Variants in BMP1 observed in about 807,000 individuals in gnomAD.
The protein encoded by BMP1 is bone morphogenetic protein 1, also known as mammalian tolloid protein.
In BMP1, 63 loss-of-function variants were observed where a neutral mutation model predicts 116.8. The observed-to-expected ratio is 0.54, with a 90% CI of 0.44 to 0.67. The LOEUF (loss-of-function observed/expected upper bound fraction) is 0.67, where lower values mean the gene tolerates loss of function less well. Ranked by LOEUF, BMP1 falls within the 30% of genes least tolerant of loss-of-function variation. The pLI is 0.00. For missense variants in BMP1, 1,183 were observed against 1,358.9 expected (o/e 0.87, Z 2.04); for synonymous variants, 536 against 533.4 (o/e 1.00, Z -0.07).
chr8:22,185,777 G>A (rs183241263), intron 8 of BMP1, among the ~76,000 whole-genome samples: 16 of 146,606 alleles, frequency 1.1e-4, no homozygotes, highest in African/African-American at 3.5e-4. Flanking sequence ...ACCTGCTATC[G>A]CCCCTGGCTA....
At position 22,201,791 on chromosome 8, in the gene BMP1, G is replaced by C. The variant is rs749730570; in HGVS notation, c.2108-12G>C. The C allele has an allele frequency of 1.9e-6, 3 of 1,612,800 alleles. No homozygotes were observed. In the Admixed American group the frequency reaches 5.0e-5, roughly 27 times the overall value. ...ACAGACCCAGCGTCTGCCCTTATTT[G>C]CTCCCCTGCAGACAAGGACGAGTGC... On this transcript the variant is annotated splice_polypyrimidine_tract_variant and intron_variant, in intron 15 of 19. Coordinates refer to ENST00000306385, the MANE Select transcript of BMP1 (RefSeq NM_006129.5).
At chr8:22,210,986 C>G (rs1369350084) in intron 19 of BMP1, among the ~76,000 whole-genome samples, 1 of 152,240 alleles carries the variant, frequency 6.6e-6, no homozygotes, top group African/African-American at 2.4e-5. Flanking sequence ...TGACCTCACT[C>G]AGTAGGCTTG....
At chr8:22,205,925 C>T (rs6983732) in intron 16 of BMP1, among the ~76,000 whole-genome samples, 26,843 of 152,082 alleles carry the variant, frequency 0.18, 2,762 homozygotes, top group African/African-American at 0.29. Flanking sequence ...CTCAAGGAAC[C>T]GAGAGGCCGT....
intron 15 of BMP1, chr8:22,199,135 A>C: frequency 7.3e-7 from 1 of 1,367,596 alleles, no homozygotes; most frequent in Middle Eastern, 2.1e-4. Flanking sequence ...GCACGGAGAC[A>C]CACACGCCCA....
chr8:22,193,775 C>T (rs1365477090), intron 9 of BMP1, among the ~76,000 whole-genome samples: 1 of 152,144 alleles, frequency 6.6e-6, no homozygotes, highest in African/African-American at 2.4e-5. Context: ...CAGAGCGAGA[C>T]TCCATCTCAA....
Position 22,202,055 on chromosome 8 carries a change from T to C in BMP1, c.2233+127T>C, listed in dbSNP as rs1038282660. 4.1e-5 allele frequency: 55 copies of C among 1,333,774 alleles called. No individual in the cohort carries two copies. In the Admixed American group the frequency reaches 4.1e-4, roughly 10 times the overall value. The allele number at this position is 1,333,774 out of a possible 1,614,324, so 82.6% of individuals were successfully genotyped here. ...CTGTATGATCTCTAAGGCCCCCTCA[T>C]TCCCCCACCCACCTGGTACATAGAT... On this transcript the variant is annotated intron_variant, in intron 16 of 19. Coordinates refer to ENST00000306385, the MANE Select transcript of BMP1 (RefSeq NM_006129.5).
chr8:22,177,245 C>T (rs1563244782), intron 5 of BMP1, 106 bp downstream of exon 5: 1 of 1,225,016 alleles, frequency 8.2e-7, no homozygotes, highest in Non-Finnish European at 1.1e-6. Context: ...GCCGTCATCG[C>T]CTGGGCCCGC....
In BMP1 at chr8:22,176,102, C is replaced by G. The variant is rs6984210; in HGVS notation, c.263-41C>G. 0.061 allele frequency: 98,020 copies of G among 1,598,678 alleles called. 4,060 individuals are homozygous for G. The highest frequency in any genetic ancestry group is 0.18 in the African/African-American group (13,213 of 74,576). The stretch of plus-strand genomic sequence containing the variant: ...TTGACTATGCTTTTGCTTTCCTCCT[C>G]TTTCTCTCCACTCACTAGTCACCAT... On this transcript the variant is annotated intron_variant, in intron 2 of 19. Coordinates refer to ENST00000306385, the MANE Select transcript of BMP1 (RefSeq NM_006129.5).
intron 19 of BMP1, among the ~76,000 whole-genome samples, chr8:22,211,231 G>C (rs572066646): frequency 2.6e-4 from 40 of 152,292 alleles, no homozygotes; most frequent in African/African-American, 9.6e-4. Flanking sequence ...CTTTGACATC[G>C]GTGCAGTCCT....
At chr8:22,173,579 C>A (rs1388430400) in intron 1 of BMP1, 23 bp from the exon 2 acceptor site, 10 of 1,590,492 alleles carry the variant, frequency 6.3e-6, no homozygotes, top group Non-Finnish European at 8.6e-6. Flanking sequence ...TAACTCAGCC[C>A]TGGCTTCTTC....
chr8:22,209,356 C>G, intron 18 of BMP1, 89 bp from the exon 19 acceptor site: 1 of 1,544,504 alleles, frequency 6.5e-7, no homozygotes, highest in South Asian at 1.3e-5. Flanking sequence ...GGCCTCCATC[C>G]TGCCGTGAGG....
Position 22,177,900 on chromosome 8 carries a change from T to G in BMP1, c.779T>G (p.Leu260Arg), listed in dbSNP as rs776402680. 2 of 1,613,726 alleles carry G rather than the reference T, an allele frequency of 1.2e-6. No homozygotes were observed. The highest frequency in any genetic ancestry group is 2.2e-5 in the South Asian group (2 of 91,070). Residue 260 changes from leucine to arginine, a missense_variant, in exon 6 of 20, where the codon CTG (leucine) becomes CGG (arginine). By Grantham distance (102) the Leu-to-Arg change is moderately radical. Transcript: ENST00000306385. ...ATGGAGCCTCAGGAGGTGGAGTCCC[T>G]GGGGGAGACCTATGACTTCGACAGC... ...LKMEPQEVES[L>R]GETYDFDSIM...
Position 22,173,668 on chromosome 8 carries a change from T to C in BMP1, c.215T>C (p.Val72Ala), listed in dbSNP as rs2131844672. Residue 72 changes from valine (V) to alanine (A), a missense_variant, in exon 2 of 20, where the codon GTG becomes GCG. This residue lies in a region of BMP1 where 185 missense variants were observed against 158.9 expected (regional missense o/e 1.16). Coordinates refer to ENST00000306385, the MANE Select transcript of BMP1 (RefSeq NM_006129.5). ...DLRAFQVQQA[V>A]DLRRHTARKS... ...AGGGCCTTCCAGGTACAGCAGGCTGTGGATCTCAGACGGCACACAGCTCGT... is the reference window on the plus strand; with the variant it reads ...AGGGCCTTCCAGGTACAGCAGGCTGCGGATCTCAGACGGCACACAGCTCGT... The C allele has an allele frequency of 6.2e-7, 1 of 1,613,764 alleles. No individual in the cohort carries two copies. The highest frequency in any genetic ancestry group is 8.5e-7 in the Non-Finnish European group (1 of 1,179,780).
At chr8:22,193,966 G>T in intron 9 of BMP1, 92 bp from the exon 10 acceptor site, 2 of 1,015,402 alleles carry the variant, frequency 2.0e-6, no homozygotes, top group Non-Finnish European at 3.1e-6. Flanking sequence ...CCACAGATCA[G>T]GGCCCAAGCA....
intron 8 of BMP1, among the ~76,000 whole-genome samples, chr8:22,191,603 A>G (rs1828932839): frequency 6.6e-6 from 1 of 152,154 alleles, no homozygotes; most frequent in African/African-American, 2.4e-5. Context: ...ACCCTGACTC[A>G]AAACAAACAA....
intron 13 of BMP1, among the ~76,000 whole-genome samples, chr8:22,195,856 C>G (rs185462518): frequency 6.6e-6 from 1 of 151,756 alleles, no homozygotes; most frequent in African/African-American, 2.4e-5. Context: ...ACTTTGTTGC[C>G]GAGGCTTGTC....
chr8:22,190,876 C>T (rs1828912518), intron 8 of BMP1, among the ~76,000 whole-genome samples: 1 of 152,200 alleles, frequency 6.6e-6, no homozygotes, highest in Admixed American at 6.5e-5. Flanking sequence ...CAGGACACCC[C>T]TGAAACCATC....
rs747285822 is a variant in BMP1, at chr8:22,179,877, G to T, written c.961+48G>T. 4.5e-6 allele frequency: 7 copies of T among 1,565,552 alleles called. No individual in the cohort carries two copies. The highest frequency in any genetic ancestry group is 1.7e-4 in the Middle Eastern group (1 of 5,856). ...TGAGGGCGTGGAGGGCAGGGCCTGA[G>T]GGAGGCAGAGGCCAGGTGCCTGGTG... is the stretch of plus-strand genomic sequence containing the variant. On this transcript the variant is annotated intron_variant, in intron 7 of 19. Transcript: ENST00000306385. This position sits in a 1 kb window ranked among gnomAD's most constrained non-coding sequence, Gnocchi z 4.6.
chr8:22,193,194 C>T (rs1828984041), intron 9 of BMP1, among the ~76,000 whole-genome samples: 1 of 152,190 alleles, frequency 6.6e-6, no homozygotes. Context: ...ACCTCATTCA[C>T]TTATGTTGAT....
Sources: gnomAD v4.1 joint callset for allele counts (sites outside exome capture counted in the v4.1 genomes callset) on GRCh38, gnomAD v4.1.1 for gene constraint, gnomAD v4.1.1 regional missense constraint, Gnocchi (gnomAD v3.1) non-coding constraint, MANE v1.5 for transcripts, NCBI Gene and HGNC (gene_info 2026-07-23, HGNC 2026-07-21) for gene names.